Variants in NRXN1 observed in about 807,000 individuals in gnomAD.
The protein encoded by NRXN1 is neurexin-1.
In NRXN1, 39 loss-of-function variants were observed where a neutral mutation model predicts 150.9. The observed-to-expected ratio is 0.26, with a 90% CI of 0.20 to 0.34. The LOEUF (loss-of-function observed/expected upper bound fraction) is 0.34, where lower values mean the gene tolerates loss of function less well. Among genes scored for constraint, NRXN1 ranks in the 10% least tolerant of loss-of-function variants. The probability of loss-of-function intolerance (pLI) is 1.00; values close to 1 mark genes in which losing one functional copy is unlikely to be tolerated. For missense variants in NRXN1, 1,815 were observed against 1,949.9 expected, an observed-to-expected ratio of 0.93 and a Z score of 1.30; for synonymous variants, 924 against 757.0, an observed-to-expected ratio of 1.22 and a Z score of -3.62.
At chr2:50,054,908 A>G in intron 20 of NRXN1, 47 bp downstream of exon 20, 1 of 1,255,794 alleles carries the variant, frequency 8.0e-7, no homozygotes, top group Non-Finnish European at 1.1e-6. Context: ...CTACTTGGTT[A>G]TGTTCAAATT....
chr2:49,931,783 C>A (rs890134450), intron 22 of NRXN1, among the ~76,000 whole-genome samples: 2 of 152,140 alleles, frequency 1.3e-5, no homozygotes, highest in Non-Finnish European at 2.9e-5. Flanking sequence ...TCCTTATTAA[C>A]TGATTTCAAC....
rs931902469 is a variant in NRXN1, at chr2:50,538,830, C to G, written c.1760-194G>C. ...GTATTAAGAAACTTTAGAAATAAAA[C>G]AGACTAAATGGTTCCATTTGAACTC... On this transcript the variant is annotated intron_variant, in intron 9 of 22. Coordinates refer to ENST00000401669, the MANE Select transcript of NRXN1 (RefSeq NM_001330078.2). Among the ~76,000 whole-genome samples the G allele has an allele frequency of 3.6e-5, 5 of 137,320 alleles. No homozygotes were observed. The East Asian group carries it at 7.8e-4, about 21-fold the overall frequency. 90.1% of individuals were successfully genotyped at this position (137,320 alleles called of 152,430 possible).
At chr2:50,776,117 A>C (rs1001781147) in intron 5 of NRXN1, among the ~76,000 whole-genome samples, 1 of 152,114 alleles carries the variant, frequency 6.6e-6, no homozygotes, top group Non-Finnish European at 1.5e-5. Context: ...ATATCCCTTC[A>C]CATTTCAGCT....
chr2:50,001,971 T>C (rs1016580259), intron 21 of NRXN1, among the ~76,000 whole-genome samples: 5 of 152,008 alleles, frequency 3.3e-5, no homozygotes, highest in African/African-American at 9.7e-5. Context: ...AAGCTGCTAA[T>C]GGAGAGGGTC....
At chr2:50,228,909 T>G (rs941522395) in intron 18 of NRXN1, among the ~76,000 whole-genome samples, 1 of 151,988 alleles carries the variant, frequency 6.6e-6, no homozygotes, top group Non-Finnish European at 1.5e-5. Context: ...CCAGTTTGTT[T>G]TGAGGAGGAG....
intron 5 of NRXN1, among the ~76,000 whole-genome samples, chr2:50,914,202 C>T (rs1300280988): frequency 6.6e-6 from 1 of 151,420 alleles, no homozygotes; most frequent in African/African-American, 2.4e-5. Context: ...CTTGGACATA[C>T]AATAATGTAT....
chr2:51,000,574 T>A (rs921562027), intron 2 of NRXN1, among the ~76,000 whole-genome samples: 1 of 151,888 alleles, frequency 6.6e-6, no homozygotes, highest in South Asian at 2.1e-4. Context: ...AATGAAACAA[T>A]TTTTGGAAAG....
intron 18 of NRXN1, among the ~76,000 whole-genome samples, chr2:50,218,309 T>C (rs941859488): frequency 6.6e-6 from 1 of 151,754 alleles, no homozygotes; most frequent in African/African-American, 2.4e-5. Flanking sequence ...AACGAAAAAC[T>C]TTCCACCTTC....
At chr2:50,600,078 C>G (rs1028003424) in intron 8 of NRXN1, among the ~76,000 whole-genome samples, 2 of 151,688 alleles carry the variant, frequency 1.3e-5, no homozygotes, top group African/African-American at 4.8e-5. Context: ...TCTGACTAGC[C>G]AAAAGCAAGG....
At chr2:50,800,289 ACT>A (rs1707409573) in intron 5 of NRXN1, among the ~76,000 whole-genome samples, 1 of 152,072 alleles carries the variant, frequency 6.6e-6, no homozygotes, top group Non-Finnish European at 1.5e-5. Flanking sequence ...TAAGAGGATC[ACT>A]CTTCCCGTCT....
intron 18 of NRXN1, among the ~76,000 whole-genome samples, chr2:50,172,463 A>G (rs1207900379): frequency 6.6e-6 from 1 of 152,100 alleles, no homozygotes; most frequent in South Asian, 2.1e-4. Flanking sequence ...ACAGAGATGA[A>G]CCACATGAGC....
At chr2:49,937,270 A>G (rs1671213501) in intron 22 of NRXN1, among the ~76,000 whole-genome samples, 1 of 152,168 alleles carries the variant, frequency 6.6e-6, no homozygotes, top group Admixed American at 6.5e-5. Flanking sequence ...CATCCATCCC[A>G]GCACTTAAAT....
chr2:50,537,290 A>G (rs564712469), intron 10 of NRXN1, among the ~76,000 whole-genome samples: 1 of 152,330 alleles, frequency 6.6e-6, no homozygotes, highest in African/African-American at 2.4e-5. Context: ...GTAGCAGGTG[A>G]GGACAATGGA....
chr2:49,942,412 C>T (rs1202257615), intron 22 of NRXN1, among the ~76,000 whole-genome samples: 2 of 152,138 alleles, frequency 1.3e-5, no homozygotes, highest in Non-Finnish European at 2.9e-5. Flanking sequence ...GCACGACATA[C>T]ATCCCGATTT....
At chr2:50,981,314 C>T (rs1696752823) in intron 2 of NRXN1, among the ~76,000 whole-genome samples, 2 of 151,322 alleles carry the variant, frequency 1.3e-5, no homozygotes, top group African/African-American at 4.8e-5. Flanking sequence ...AAAAATTAGC[C>T]AGGTGTGGTG....
chr2:50,923,048 A>G (rs1456247064), intron 3 of NRXN1, among the ~76,000 whole-genome samples: 2 of 151,968 alleles, frequency 1.3e-5, no homozygotes, highest in East Asian at 3.9e-4. Context: ...AGGGCTTGTA[A>G]TTCTTCAGTG....
At chr2:50,599,452 T>C (rs1425860129) in intron 8 of NRXN1, among the ~76,000 whole-genome samples, 1 of 152,202 alleles carries the variant, frequency 6.6e-6, no homozygotes, top group African/African-American at 2.4e-5. Context: ...AGAAGAAAAT[T>C]TGTATCTCTA....
At chr2:50,089,348 T>C (rs1699238496) in intron 19 of NRXN1, among the ~76,000 whole-genome samples, 1 of 152,220 alleles carries the variant, frequency 6.6e-6, no homozygotes, top group South Asian at 2.1e-4. Flanking sequence ...GAGCAAAGCC[T>C]AGACCTTACC....
In NRXN1 at chr2:50,496,113, G is replaced by C. The variant is rs1247830714; in HGVS notation, c.2880-18C>G. 12 of 1,568,566 alleles carry C rather than the reference G, an allele frequency of 7.7e-6. No homozygotes were observed. Among genetic ancestry groups the C allele is most frequent in the African/African-American group, 2.7e-5 (2 of 73,998 alleles). ...GTAAGTACCTGGGAAAAAAATGAAA[G>C]AGGGGAAAGTGCCATCACTTTTTAA... On this transcript the variant is annotated intron_variant, in intron 14 of 22. Coordinates refer to ENST00000401669, the MANE Select transcript of NRXN1 (RefSeq NM_001330078.2).
Sources: allele counts gnomAD v4.1 joint callset (sites outside exome capture counted in the v4.1 genomes callset), GRCh38; gene constraint gnomAD v4.1.1; transcripts MANE v1.5; gene names NCBI Gene and HGNC (gene_info 2026-07-23, HGNC 2026-07-21).